PAQR9: variants seen among roughly 807,000 people sequenced by gnomAD.
PAQR9 encodes progestin and adipoQ receptor family member 9, also known as membrane progestin receptor epsilon.
PAQR9 carries 12 observed loss-of-function variants against 24.0 expected under a neutral mutation model. That is an observed-to-expected ratio of 0.50 (90% CI 0.32 to 0.81). The LOEUF (loss-of-function observed/expected upper bound fraction) is 0.81, where lower values mean the gene tolerates loss of function less well. Among genes scored for constraint, PAQR9 ranks in the 30% least tolerant of loss-of-function variants. The pLI, the probability that PAQR9 is intolerant of heterozygous loss-of-function variation, is 0.03. For synonymous variants in PAQR9, 266 were observed against 237.6 expected (o/e 1.12, Z -1.10); for missense variants, 418 against 520.8 (o/e 0.80, Z 1.92).
rs1437222351 is a variant in PAQR9, at chr3:142,955,723, A to G, written c.*6480T>C. Among the ~76,000 whole-genome samples the G allele has an allele frequency of 6.6e-6, 1 of 152,194 alleles. No individual in the cohort carries two copies. The highest frequency in any genetic ancestry group is 2.4e-5 in the African/African-American group (1 of 41,448). On this transcript the variant is annotated 3_prime_UTR_variant, in exon 1 of 1. Transcript: ENST00000340634. ...GAATAATTTTGTTCATAGCCTCCAG[A>G]AAAGAAAACTAGCCTGTTTGAAAAG... is the stretch of plus-strand genomic sequence containing the variant.
chr3:142,963,589 A>G lies in PAQR9; in HGVS notation c.-253T>C. On this transcript the variant is annotated 5_prime_UTR_variant, in exon 1 of 1. Coordinates refer to ENST00000340634, the MANE Select transcript of PAQR9 (RefSeq NM_198504.4). ...GCGAGGCTCAGCGGCTTCCTCGCCA[A>G]GCCCCTGCTACCGGCGCGCGGCCGC... 4 of 890,202 alleles carry G rather than the reference A, an allele frequency of 4.5e-6. No individual in the cohort carries two copies. The highest frequency in any genetic ancestry group is 5.4e-6 in the Non-Finnish European group (4 of 744,138). 55.1% of individuals were successfully genotyped at this position (890,202 alleles called of 1,614,324 possible).
At position 142,962,333 on chromosome 3, in the gene PAQR9, T is replaced by G. The variant is rs1412672224; in HGVS notation, c.1004A>C (p.Gln335Pro). The G allele has an allele frequency of 6.2e-7, 1 of 1,613,916 alleles. No homozygotes were observed. Among genetic ancestry groups the G allele is most frequent in the African/African-American group, 1.3e-5 (1 of 74,914 alleles). ...TGCGGCAGGCGGCGCCTGGAGGAACTGGCGCAGGCCCTCTTCTACGTAGTA... is the reference window on the plus strand; with the variant it reads ...TGCGGCAGGCGGCGCCTGGAGGAACGGGCGCAGGCCCTCTTCTACGTAGTA... ...QVYYVEEGLR[Q>P]FLQAPPAAPT... The change falls in exon 1 of 1, where the codon CAG becomes CCG. Residue 335 changes from glutamine (Q) to proline (P), a missense_variant. By Grantham distance (76) the Gln-to-Pro change is moderately conservative. Around this residue, in one of 3 missense-constraint regions of PAQR9, gnomAD observed 230 missense variants for 305.2 expected, o/e 0.75. Coordinates refer to ENST00000340634, the MANE Select transcript of PAQR9 (RefSeq NM_198504.4).
rs1934947068 is a variant in PAQR9 at position 142,963,251 on chromosome 3, G to C, written c.86C>G (p.Ser29Cys). 6.5e-7 allele frequency: 1 copy of C among 1,534,568 alleles called. No individual in the cohort carries two copies. The highest frequency in any genetic ancestry group is 8.8e-7 in the Non-Finnish European group (1 of 1,140,922). The stretch of plus-strand genomic sequence containing the variant: ...GGGGTCCCGGGAGGCGGCAGAGTGG[G>C]AGTTCCGGGCGGCCCCCGAAGCTGC... ...APAASGAARN[S>C]HSAASRDPPA... The change falls in exon 1 of 1, where the codon TCC (serine) becomes TGC (cysteine). Residue 29 changes from serine (S) to cysteine (C), a missense_variant. Physicochemically the swap from Ser to Cys is moderately radical, Grantham distance 112 (BLOSUM62 -1). Coordinates refer to ENST00000340634, the MANE Select transcript of PAQR9 (RefSeq NM_198504.4).
rs1934943128 is a variant in PAQR9, at chr3:142,963,158, A to G, written c.179T>C (p.Leu60Pro). Residue 60 changes from leucine to proline, a missense_variant, in exon 1 of 1, where the codon CTG becomes CCG. Physicochemically the swap from Leu to Pro is moderately conservative, Grantham distance 98 (BLOSUM62 -3). This residue lies in a region of PAQR9 where 180 missense variants were observed against 190.3 expected (regional missense o/e 0.95). Transcript: ENST00000340634. The stretch of plus-strand genomic sequence containing the variant: ...GCACGGCAGACGCCGGTAGCCCGAC[A>G]GGATGAAGCACTCCACGAAGTCGTC... ...VPDDFVECFI[L>P]SGYRRLPCTA... The G allele has an allele frequency of 6.2e-7, 1 of 1,603,626 alleles. No homozygotes were observed. The highest frequency in any genetic ancestry group is 8.5e-7 in the Non-Finnish European group (1 of 1,175,142).
chr3:142,954,275 T>C (rs2108238769), downstream of PAQR9, among the ~76,000 whole-genome samples: 1 of 152,310 alleles, frequency 6.6e-6, no homozygotes, highest in South Asian at 2.1e-4. Context: ...TATATGCTTT[T>C]GAAAAACAGA....
downstream of PAQR9, among the ~76,000 whole-genome samples, chr3:142,952,113 G>A (rs912481655): frequency 2.0e-5 from 3 of 152,034 alleles, no homozygotes; most frequent in Non-Finnish European, 4.4e-5. Context: ...TTAGAAGGTG[G>A]GAGAGACTAG....
rs1254382371 is a variant in PAQR9 at position 142,958,918 on chromosome 3, A to G, written c.*3285T>C. On this transcript the variant is annotated 3_prime_UTR_variant, in exon 1 of 1. Coordinates refer to ENST00000340634, the MANE Select transcript of PAQR9 (RefSeq NM_198504.4). ...GAACGGCAGGGAAGAAAGGAACCCC[A>G]TTAGCCAACTAAGTCAGTCTGAGTC... Among the ~76,000 whole-genome samples, 12 of 152,198 alleles carry G rather than the reference A, an allele frequency of 7.9e-5. No homozygotes were observed. The highest frequency in any genetic ancestry group is 3.2e-3 in the Middle Eastern group (1 of 316).
downstream of PAQR9, chr3:142,952,772 G>C (rs928661545): frequency 2.2e-6 from 1 of 456,702 alleles, no homozygotes; most frequent in Non-Finnish European, 4.4e-6. Context: ...GAAGAGTGGG[G>C]AGGGACAGGA....
At position 142,955,749 on chromosome 3, in the gene PAQR9, T is replaced by G. The variant is rs1472762071; in HGVS notation, c.*6454A>C. ...AAAGAAAACTAGCCTGTTTGAAAAGTAGACCTTCTGTGCTAGGTTTTGCTG... is the reference window on the plus strand; with the variant it reads ...AAAGAAAACTAGCCTGTTTGAAAAGGAGACCTTCTGTGCTAGGTTTTGCTG... On this transcript the variant is annotated 3_prime_UTR_variant, in exon 1 of 1. Coordinates refer to ENST00000340634, the MANE Select transcript of PAQR9 (RefSeq NM_198504.4). Among the ~76,000 whole-genome samples, 1 of 152,212 alleles carries G rather than the reference T, an allele frequency of 6.6e-6. No homozygotes were observed. Among genetic ancestry groups the G allele is most frequent in the East Asian group, 1.9e-4 (1 of 5,202 alleles).
At chr3:142,953,109 G>C (rs537462551), downstream of PAQR9, among the ~76,000 whole-genome samples, 240 of 152,280 alleles carry the variant, frequency 1.6e-3, no homozygotes, top group African/African-American at 5.6e-3. Flanking sequence ...TAGGCCACAG[G>C]GGGTGATGGC....
rs1364618538 is a variant in PAQR9 at position 142,962,470 on chromosome 3, G to A, written c.867C>T (p.Phe289=). ...RRYFWLVVAA[F]FNVSKIPERI... ...GCTCGGGGATCTTGCTCACGTTGAAGAAGGCGGCCACCACCAGCCAGAAGT... is the reference window on the plus strand; with the variant it reads ...GCTCGGGGATCTTGCTCACGTTGAAAAAGGCGGCCACCACCAGCCAGAAGT... The change falls in exon 1 of 1, where the codon TTC becomes TTT. Residue 289 remains phenylalanine, a synonymous_variant. Coordinates refer to ENST00000340634, the MANE Select transcript of PAQR9 (RefSeq NM_198504.4). 4 of 1,613,482 alleles carry A rather than the reference G, an allele frequency of 2.5e-6. No individual in the cohort carries two copies. The highest frequency in any genetic ancestry group is 3.4e-6 in the Non-Finnish European group (4 of 1,179,838).
downstream of PAQR9, chr3:142,952,773 AG>A (rs1408536965): frequency 4.4e-6 from 2 of 456,584 alleles, no homozygotes; most frequent in Admixed American, 4.7e-5. Context: ...AAGAGTGGGG[AG>A]GGACAGGAAA....
At position 142,962,305 on chromosome 3, in the gene PAQR9, G is replaced by A; in HGVS notation, c.1032C>T (p.Pro344=). Residue 344 remains proline, a synonymous_variant, in exon 1 of 1, where the codon CCC becomes CCT. Coordinates refer to ENST00000340634, the MANE Select transcript of PAQR9 (RefSeq NM_198504.4). The part of the protein sequence containing the change: ...RQFLQAPPAA[P]TFSGTVGYML... ...TGTAGCCCACAGTACCCGAGAAAGT[G>A]GGTGCGGCAGGCGGCGCCTGGAGGA... The A allele has an allele frequency of 6.2e-7, 1 of 1,614,186 alleles. No homozygotes were observed. The highest frequency in any genetic ancestry group is 8.5e-7 in the Non-Finnish European group (1 of 1,180,044).
chr3:142,952,776 G>A (rs1934734858), downstream of PAQR9: 2 of 456,598 alleles, frequency 4.4e-6, no homozygotes, highest in African/African-American at 2.0e-5. Flanking sequence ...AGTGGGGAGG[G>A]ACAGGAAAAC....
rs763004104 is a variant in PAQR9 at position 142,962,856 on chromosome 3, T to G, written c.481A>C (p.Ile161Leu). 6.2e-7 allele frequency: 1 copy of G among 1,613,554 alleles called. No homozygotes were observed. The highest frequency in any genetic ancestry group is 8.5e-7 in the Non-Finnish European group (1 of 1,179,974). The change falls in exon 1 of 1, where the codon ATC becomes CTC. Residue 161 changes from isoleucine to leucine, a missense_variant. By Grantham distance (5) the Ile-to-Leu change is conservative (BLOSUM62 2). Coordinates refer to ENST00000340634, the MANE Select transcript of PAQR9 (RefSeq NM_198504.4). ...GTGCTGCCGAAGCCGTAGTAGCTGA[T>G]GGACGCGTAGTCCAGGTAGAAGAAG... is the stretch of plus-strand genomic sequence containing the variant. ...AAFFYLDYAS[I>L]SYYGFGSTVA... is the part of the protein sequence containing the mutation.
chr3:142,963,701 G>A, upstream of PAQR9: 1 of 696,558 alleles, frequency 1.4e-6, no homozygotes, highest in Non-Finnish European at 1.8e-6. Flanking sequence ...GGGTGCCTCC[G>A]CCGCCGCCGC....
At chr3:142,951,496 T>C, downstream of PAQR9, 1 of 332,614 alleles carries the variant, frequency 3.0e-6, no homozygotes, top group Non-Finnish European at 5.9e-6. Flanking sequence ...CTGATCACCA[T>C]CCTTTTCTGC....
rs1266036373 is a variant in PAQR9, at chr3:142,958,228, G to T, written c.*3975C>A. On this transcript the variant is annotated 3_prime_UTR_variant, in exon 1 of 1. Coordinates refer to ENST00000340634, the MANE Select transcript of PAQR9 (RefSeq NM_198504.4). ...GATAACATTTTGTTTGAGATATTTTGATCTAATTTCAAAGACAGCCCTATC... is the reference window on the plus strand; with the variant it reads ...GATAACATTTTGTTTGAGATATTTTTATCTAATTTCAAAGACAGCCCTATC... 6.6e-6 allele frequency among the ~76,000 whole-genome samples: 1 copy of T among 152,178 alleles called. No homozygotes were observed. The highest frequency in any genetic ancestry group is 2.1e-4 in the South Asian group (1 of 4,832).
Position 142,958,911 on chromosome 3 carries a change from GAACCCCATTAGCCA to G in PAQR9, c.*3278_*3291del, listed in dbSNP as rs1934838490. Among the ~76,000 whole-genome samples, 1 of 152,140 alleles carries G rather than the reference GAACCCCATTAGCCA, an allele frequency of 6.6e-6. No homozygotes were observed. Among genetic ancestry groups the G allele is most frequent in the Non-Finnish European group, 1.5e-5 (1 of 68,024 alleles). On this transcript the variant is annotated 3_prime_UTR_variant, in exon 1 of 1. Transcript: ENST00000340634. The stretch of plus-strand genomic sequence containing the variant: ...GCTGCAAGAACGGCAGGGAAGAAAG[GAACCCCATTAGCCA>G]ACTAAGTCAGTCTGAGTCAGCCCCA...
Sources: allele counts gnomAD v4.1 joint callset (sites outside exome capture counted in the v4.1 genomes callset), GRCh38; gene constraint gnomAD v4.1.1; regional missense constraint gnomAD v4.1.1; transcripts MANE v1.5; gene names NCBI Gene and HGNC (gene_info 2026-07-23, HGNC 2026-07-21).